Variants in TMEM25 observed in about 807,000 individuals in gnomAD.
TMEM25 encodes transmembrane protein 25.
TMEM25 carries 36 observed loss-of-function variants against 37.0 expected under a neutral mutation model. That is an observed-to-expected ratio of 0.97 (90% CI 0.75 to 1.28). The LOEUF (loss-of-function observed/expected upper bound fraction) is 1.28. Among genes scored for constraint, TMEM25 ranks in the 50% most tolerant of loss-of-function variants. The probability of loss-of-function intolerance (pLI) is 0.00; values close to 1 mark genes in which losing one functional copy is unlikely to be tolerated. For missense variants in TMEM25, 444 were observed against 477.9 expected, an observed-to-expected ratio of 0.93 and a Z score of 0.66; for synonymous variants, 197 against 203.7, an observed-to-expected ratio of 0.97 and a Z score of 0.28.
chr11:118,543,610 C>T (rs1347647731), intron 8 of TMEM25, among the ~76,000 whole-genome samples: 1 of 151,692 alleles, frequency 6.6e-6, no homozygotes, highest in African/African-American at 2.4e-5. Flanking sequence ...GTCAGCCTCC[C>T]GAGTAGCTGA....
At chr11:118,545,773 G>T (rs781986010) in intron 8 of TMEM25, 1 of 1,612,008 alleles carries the variant, frequency 6.2e-7, no homozygotes, top group Non-Finnish European at 8.5e-7. Flanking sequence ...TGGGGACGAG[G>T]AAAGGAAAGA....
Position 118,533,155 on chromosome 11 carries a change from G to A in TMEM25, c.621G>A (p.Ser207=), listed in dbSNP as rs559645715. Residue 207 remains serine, a synonymous_variant, in exon 4 of 9, where the codon TCG becomes TCA. Coordinates refer to ENST00000313236, the MANE Select transcript of TMEM25 (RefSeq NM_032780.4). Reference sequence around the variant, plus strand: ...TCCGCAGCCTGGCACACAACCTCTCGGTGGTGGCCACCAATGACGTGGGTG... The same window carrying A: ...TCCGCAGCCTGGCACACAACCTCTCAGTGGTGGCCACCAATGACGTGGGTG... ...LQLRSLAHNL[S]VVATNDVGVT... is the part of the protein sequence containing the mutation. The A allele has an allele frequency of 8.7e-6, 14 of 1,608,134 alleles. No individual in the cohort carries two copies. The highest frequency in any genetic ancestry group is 3.3e-4 in the Middle Eastern group (2 of 6,062).
chr11:118,545,962 G>T, intron 8 of TMEM25: 1 of 891,176 alleles, frequency 1.1e-6, no homozygotes, highest in South Asian at 1.3e-5. Context: ...CAGGTTATGG[G>T]CTGAAATGTG....
At position 118,532,349 on chromosome 11, in the gene TMEM25, C is replaced by T. The variant is rs782482328; in HGVS notation, c.270C>T (p.Gly90=). The change falls in exon 3 of 9, where the codon GGC becomes GGT. Residue 90 remains glycine, a synonymous_variant. Coordinates refer to ENST00000313236, the MANE Select transcript of TMEM25 (RefSeq NM_032780.4). ...TGGGAGGGGAGGCCTTCTCTGGAGG[C>T]ACCAGCACCTTCACTGTCACTGCCC... ...LSVGGEAFSG[G]TSTFTVTAHR... 1 of 1,614,220 alleles carries T rather than the reference C, an allele frequency of 6.2e-7. No homozygotes were observed. Among genetic ancestry groups the T allele is most frequent in the South Asian group, 1.1e-5 (1 of 91,088 alleles).
intron 8 of TMEM25, chr11:118,544,885 T>G (rs1397199530): frequency 1.3e-6 from 2 of 1,515,364 alleles, no homozygotes; most frequent in Non-Finnish European, 1.8e-6. Context: ...AGGGGCCAGC[T>G]CAGCCTTGAA....
Position 118,535,322 on chromosome 11 carries a change from C to A in TMEM25, c.*742C>A. The A allele has an allele frequency of 7.3e-7, 1 of 1,367,234 alleles. No individual in the cohort carries two copies. Among genetic ancestry groups the A allele is most frequent in the East Asian group, 2.7e-5 (1 of 36,530 alleles). 84.7% of individuals were successfully genotyped at this position (1,367,234 alleles called of 1,614,324 possible). ...AGGGAGGAAGAGGCAGGCGATGAGTCTAGTAGCACCCAGGACGGCTTGTAG... is the reference window on the plus strand; with the variant it reads ...AGGGAGGAAGAGGCAGGCGATGAGTATAGTAGCACCCAGGACGGCTTGTAG... On this transcript the variant is annotated 3_prime_UTR_variant, in exon 9 of 9. Transcript: ENST00000313236.
chr11:118,532,645 A>G, intron 3 of TMEM25, 184 bp downstream of exon 3: 1 of 834,166 alleles, frequency 1.2e-6, no homozygotes. Flanking sequence ...ACAAATAAGA[A>G]AACTGAGGCA....
chr11:118,535,645 GA>G lies in TMEM25; in HGVS notation c.*1067del. On this transcript the variant is annotated 3_prime_UTR_variant, in exon 9 of 9. Coordinates refer to ENST00000313236, the MANE Select transcript of TMEM25 (RefSeq NM_032780.4). ...GAAGCTTTAGGGGAACATGGAGAAA[GA>G]AGGAGACCACATACCCCAAAGTGAC... 6.6e-7 allele frequency: 1 copy of G among 1,519,952 alleles called. No individual in the cohort carries two copies. Among genetic ancestry groups the G allele is most frequent in the Non-Finnish European group, 8.8e-7 (1 of 1,135,010 alleles). 94.2% of individuals were successfully genotyped at this position (1,519,952 alleles called of 1,614,324 possible). A position where few individuals can be genotyped will look rare whatever the true frequency, so the allele number is the denominator to read the frequency against.
intron 8 of TMEM25, chr11:118,545,823 T>C: frequency 6.2e-7 from 1 of 1,614,200 alleles, no homozygotes; most frequent in African/African-American, 1.3e-5. Context: ...TCTGCCAGGC[T>C]GCAATCAATC....
chr11:118,545,911 A>T lies in TMEM25; in HGVS notation c.1028-208A>T, dbSNP rs1194853292. 6.9e-6 allele frequency: 10 copies of T among 1,441,020 alleles called. No individual in the cohort carries two copies. The African/African-American group carries it at 1.1e-4, about 16-fold the overall frequency. The allele number at this position is 1,441,020 out of a possible 1,614,324, so 89.3% of individuals were successfully genotyped here. ...GGATGGTGTCAGTGGTCCCAGAACC[A>T]CTCTCTCTCTCTGAAGCAAAAGAGC... On this transcript the variant is annotated intron_variant, in intron 8 of 8. Coordinates refer to the TMEM25 transcript ENST00000354284.
chr11:118,545,659 T>C, intron 8 of TMEM25: 1 of 1,149,452 alleles, frequency 8.7e-7, no homozygotes, highest in Non-Finnish European at 1.3e-6. Context: ...CTTTGAGTGC[T>C]GCCAAAGAGC....
chr11:118,536,484 T>C (rs1443879612), downstream of TMEM25, among the ~76,000 whole-genome samples: 3 of 152,226 alleles, frequency 2.0e-5, no homozygotes, highest in African/African-American at 7.2e-5. Context: ...TGAGCCACAC[T>C]GCGCCCGGCC....
downstream of TMEM25, among the ~76,000 whole-genome samples, chr11:118,538,933 A>G (rs1951544169): frequency 1.3e-5 from 2 of 151,464 alleles, no homozygotes; most frequent in Non-Finnish European, 2.9e-5. Flanking sequence ...TCCTTTGCCA[A>G]CTTTTTAATG....
chr11:118,539,837 A>G (rs1951555206), downstream of TMEM25, among the ~76,000 whole-genome samples: 2 of 151,750 alleles, frequency 1.3e-5, no homozygotes, highest in Admixed American at 1.3e-4. Flanking sequence ...CCTAGCCAAC[A>G]TGGTGAAACT....
intron 5 of TMEM25, 99 bp downstream of exon 5, chr11:118,533,650 G>A (rs1392193842): frequency 3.1e-6 from 5 of 1,600,118 alleles, no homozygotes; most frequent in Non-Finnish European, 4.3e-6. Flanking sequence ...TCTGACGGTG[G>A]CAGAGCACTT....
intron 8 of TMEM25, among the ~76,000 whole-genome samples, chr11:118,540,938 C>A (rs1951570269): frequency 1.3e-5 from 2 of 151,990 alleles, no homozygotes; most frequent in Non-Finnish European, 2.9e-5. Flanking sequence ...TAGTGGTTGC[C>A]AGGGTCTGGG....
chr11:118,542,301 G>A (rs552443269), intron 8 of TMEM25, among the ~76,000 whole-genome samples: 2 of 152,168 alleles, frequency 1.3e-5, no homozygotes, highest in South Asian at 2.1e-4. Context: ...ATGATAAGCC[G>A]CCAATGCATT....
At chr11:118,539,164 ATTTT>A (rs1160816224), downstream of TMEM25, among the ~76,000 whole-genome samples, 1 of 100,594 alleles carries the variant, frequency 9.9e-6, no homozygotes, top group Non-Finnish European at 1.9e-5. Flanking sequence ...TTGGTCATAA[ATTTT>A]TTTTTTTTTT....
downstream of TMEM25, among the ~76,000 whole-genome samples, chr11:118,539,999 C>T (rs1555064906): frequency 3.1e-5 from 4 of 129,294 alleles, no homozygotes; most frequent in African/African-American, 6.1e-5. Context: ...CCGGCCTGGG[C>T]GACAGAGCAA....
Sources: allele counts gnomAD v4.1 joint callset (sites outside exome capture counted in the v4.1 genomes callset), GRCh38; gene constraint gnomAD v4.1.1; transcripts MANE v1.5; gene names NCBI Gene and HGNC (gene_info 2026-07-23, HGNC 2026-07-21).